The following UBR4 variants were observed in gnomAD, a reference collection of about 807,000 sequenced individuals.
The protein encoded by UBR4 is ubiquitin protein ligase E3 component n-recognin 4, also known as E3 ubiquitin-protein ligase UBR4.
A neutral mutation model predicts 575.6 loss-of-function variants in UBR4; 124 were observed. The observed-to-expected ratio is 0.22, with a 90% CI of 0.19 to 0.25. UBR4 has a LOEUF of 0.25. Ranked by LOEUF, UBR4 falls within the 10% of genes least tolerant of loss-of-function variation. The pLI, the probability that UBR4 is intolerant of heterozygous loss-of-function variation, is 1.00. For synonymous variants in UBR4, 2,455 were observed against 2,473.7 expected (o/e 0.99, Z 0.22); for missense variants, 4,818 against 6,478.8 (o/e 0.74, Z 8.80).
At chr1:19,149,846 G>A (rs2085407617) in intron 49 of UBR4, 1 of 1,277,422 alleles carries the variant, frequency 7.8e-7, no homozygotes, top group African/African-American at 1.6e-5. Context: ...GTGAAGCTCA[G>A]AGAAACCCGG....
intron 60 of UBR4, among the ~76,000 whole-genome samples, chr1:19,130,718 G>A (rs1438310285): frequency 6.6e-6 from 1 of 152,228 alleles, no homozygotes; most frequent in East Asian, 1.9e-4. Flanking sequence ...GGAAAGGTGA[G>A]ATGACAGCAG....
At chr1:19,121,106 C>G (rs2081123700) in intron 68 of UBR4, 83 bp downstream of exon 68, 2 of 1,533,590 alleles carry the variant, frequency 1.3e-6, no homozygotes, top group African/African-American at 1.4e-5. Context: ...ATTAAAAGAC[C>G]TTTTACAACA....
chr1:19,134,046 A>T (rs558087927), intron 60 of UBR4, among the ~76,000 whole-genome samples: 66 of 138,496 alleles, frequency 4.8e-4, no homozygotes, highest in African/African-American at 1.7e-3. Flanking sequence ...AGATTGTACC[A>T]CTGCACTCCA....
rs1452661733 is a variant in UBR4 at position 19,165,178 on chromosome 1, G to A, written c.4312+71C>T. On this transcript the variant is annotated intron_variant, in intron 31 of 105. Coordinates refer to ENST00000375254, the MANE Select transcript of UBR4 (RefSeq NM_020765.3). ...ATTTTCATGCTGTAGTTAAACTCAG[G>A]CAGAAGATATGCACAGTATTAGCCG... 9 of 1,500,610 alleles carry A rather than the reference G, an allele frequency of 6.0e-6. No individual in the cohort carries two copies. The African/African-American group carries it at 6.9e-5, about 12-fold the overall frequency. The allele number at this position is 1,500,610 out of a possible 1,614,324, so 93.0% of individuals were successfully genotyped here.
chr1:19,180,296 C>T (rs1358403601), intron 17 of UBR4, among the ~76,000 whole-genome samples: 1 of 152,120 alleles, frequency 6.6e-6, no homozygotes, highest in Non-Finnish European at 1.5e-5. Context: ...TCAAGCAATT[C>T]TTGTGCCTCA....
At chr1:19,188,030 T>TTAAATAAATAAATAAATAAATAAA (rs34415262) in intron 11 of UBR4, among the ~76,000 whole-genome samples, 1 of 140,928 alleles carries the variant, frequency 7.1e-6, no homozygotes, top group Non-Finnish European at 1.5e-5. Context: ...AAACAAAAAA[T>TTAAATAAATAAATAAATAAATAAA]TAAATAAATA....
intron 86 of UBR4, 127 bp from the exon 87 acceptor site, chr1:19,104,384 G>A: frequency 7.7e-7 from 1 of 1,296,496 alleles, no homozygotes; most frequent in Non-Finnish European, 1.1e-6. Flanking sequence ...CACAGAGCAG[G>A]TGTTCAACAA....
At chr1:19,080,950 G>A (rs78554758) in intron 103 of UBR4, 8,117 of 171,144 alleles carry the variant, frequency 0.047, 372 homozygotes, top group East Asian at 0.24. Flanking sequence ...GAATGAAGAC[G>A]AGTTTTTAAT....
rs1210954770 is a variant in UBR4 at position 19,152,428 on chromosome 1, T to C, written c.6881A>G (p.His2294Arg). The C allele has an allele frequency of 6.2e-7, 1 of 1,613,932 alleles. No individual in the cohort carries two copies. The highest frequency in any genetic ancestry group is 8.5e-7 in the Non-Finnish European group (1 of 1,179,840). The change falls in exon 47 of 106, where the codon CAC (histidine) becomes CGC (arginine). Residue 2294 changes from histidine (H) to arginine (R), a missense_variant. Physicochemically the swap from His to Arg is conservative, Grantham distance 29. Transcript: ENST00000375254. The surrounding 1 kb of genome is among the most constrained non-coding windows in gnomAD (Gnocchi z 4.4). ...CTCCACATCTGTCAGCTGCTGGTTG[T>C]GTTCAAAAAAGTCAATGGGGAAAGT... ...QVTFPIDFFEHNQQLTDVEFG... is the reference protein window; with the variant it reads ...QVTFPIDFFERNQQLTDVEFG...
chr1:19,144,261 TG>T (rs1212622442), intron 54 of UBR4, among the ~76,000 whole-genome samples, 170 bp from the exon 55 acceptor site: 2 of 152,222 alleles, frequency 1.3e-5, no homozygotes, highest in Non-Finnish European at 1.5e-5. Flanking sequence ...CCCCGCTTCC[TG>T]TTCTGGCACA....
chr1:19,181,422 C>T (rs777236785), intron 17 of UBR4, among the ~76,000 whole-genome samples: 3 of 152,148 alleles, frequency 2.0e-5, no homozygotes. Context: ...CCCTTCCTGA[C>T]TTTCCTGTCT....
At chr1:19,170,923 T>G in intron 25 of UBR4, 40 bp from the exon 26 acceptor site, 1 of 1,613,682 alleles carries the variant, frequency 6.2e-7, no homozygotes, top group Non-Finnish European at 8.5e-7. Flanking sequence ...CATAAGATTC[T>G]AATCCCACCA....
Position 19,097,216 on chromosome 1 carries a change from A to G in UBR4, c.13367T>C (p.Ile4456Thr). The G allele has an allele frequency of 6.2e-7, 1 of 1,613,776 alleles. No homozygotes were observed. The highest frequency in any genetic ancestry group is 8.5e-7 in the Non-Finnish European group (1 of 1,179,834). Reference sequence around the variant, plus strand: ...ACCTGTAGTAGAGTCCAGGGACTCAATGAACTCCTCTGTGGCATCGCCCAG... The same window carrying G: ...ACCTGTAGTAGAGTCCAGGGACTCAGTGAACTCCTCTGTGGCATCGCCCAG... ...GLLGDATEEF[I>T]ESLDSTTDEE... Residue 4456 changes from isoleucine to threonine, a missense_variant, in exon 91 of 106, where the codon ATT becomes ACT. Physicochemically the swap from Ile to Thr is moderately conservative, Grantham distance 89. Around this residue, in one of 29 missense-constraint regions of UBR4, gnomAD observed 165 missense variants for 282.3 expected, o/e 0.58. Transcript: ENST00000375254.
intron 60 of UBR4, among the ~76,000 whole-genome samples, chr1:19,133,707 G>T (rs2082813486): frequency 6.6e-6 from 1 of 151,992 alleles, no homozygotes; most frequent in African/African-American, 2.4e-5. Context: ...CCCAACACTG[G>T]GAGGCTGAGG....
intron 35 of UBR4, 98 bp downstream of exon 35, chr1:19,162,322 G>A (rs2087512006): frequency 1.4e-6 from 2 of 1,430,646 alleles, no homozygotes; most frequent in South Asian, 2.8e-5. Flanking sequence ...AGGAAGTTTT[G>A]AAGCTCACAG....
intron 59 of UBR4, among the ~76,000 whole-genome samples, chr1:19,138,672 T>TAA (rs111564240): frequency 6.6e-6 from 1 of 151,050 alleles, no homozygotes; most frequent in Non-Finnish European, 1.5e-5. Context: ...TAAGATCGCT[T>TAA]AAAAAAAAAC....
At position 19,117,200 on chromosome 1, in the gene UBR4, C is replaced by T. The variant is rs560904592; in HGVS notation, c.10823+21G>A. On this transcript the variant is annotated intron_variant, in intron 73 of 105. Coordinates refer to ENST00000375254, the MANE Select transcript of UBR4 (RefSeq NM_020765.3). The surrounding 1 kb of genome is among the most constrained non-coding windows in gnomAD (Gnocchi z 4.0). The stretch of plus-strand genomic sequence containing the variant: ...CAGCCTTACAACCTGCTGCCCCTCC[C>T]GAGGCCTAAAAAGCCCGTACTTGTT... The T allele has an allele frequency of 9.4e-5, 151 of 1,608,082 alleles. 2 individuals are homozygous for T. The South Asian group carries it at 1.6e-3, about 17-fold the overall frequency.
chr1:19,093,605 G>A lies in UBR4; in HGVS notation c.13938-119C>T. On this transcript the variant is annotated intron_variant, in intron 95 of 105. Coordinates refer to ENST00000375254, the MANE Select transcript of UBR4 (RefSeq NM_020765.3). This position sits in a 1 kb window ranked among gnomAD's most constrained non-coding sequence, Gnocchi z 4.8. Reference sequence around the variant, plus strand: ...AGATCAAGGCTAAATTCCCTAACGTGACACAAAGACCTATCTGCCCCGGCT... The same window carrying A: ...AGATCAAGGCTAAATTCCCTAACGTAACACAAAGACCTATCTGCCCCGGCT... The A allele has an allele frequency of 8.9e-7, 1 of 1,125,462 alleles. No homozygotes were observed. Among genetic ancestry groups the A allele is most frequent in the Non-Finnish European group, 1.3e-6 (1 of 793,984 alleles). The allele number at this position is 1,125,462 out of a possible 1,614,324, so 69.7% of individuals were successfully genotyped here.
chr1:19,183,778 G>C lies in UBR4; in HGVS notation c.2184+33C>G, dbSNP rs765826432. 2.5e-6 allele frequency: 4 copies of C among 1,602,800 alleles called. No individual in the cohort carries two copies. The East Asian group carries it at 8.9e-5, about 36-fold the overall frequency. On this transcript the variant is annotated intron_variant, in intron 17 of 105. Coordinates refer to ENST00000375254, the MANE Select transcript of UBR4 (RefSeq NM_020765.3). Reference sequence around the variant, plus strand: ...CAGCCTATGGAAGCTGGTGTCATGAGCTCTTGCCTAGATGGTCACAGCACA... The same window carrying C: ...CAGCCTATGGAAGCTGGTGTCATGACCTCTTGCCTAGATGGTCACAGCACA...
Sources: allele counts gnomAD v4.1 joint callset (sites outside exome capture counted in the v4.1 genomes callset), GRCh38; gene constraint gnomAD v4.1.1; regional missense constraint gnomAD v4.1.1; non-coding constraint Gnocchi (gnomAD v3.1); transcripts MANE v1.5; gene names NCBI Gene and HGNC (gene_info 2026-07-23, HGNC 2026-07-21).